PRKAG2: variants seen among roughly 807,000 people sequenced by gnomAD.
PRKAG2 encodes the protein 5'-AMP-activated protein kinase subunit gamma-2.
Under a neutral mutation model 69.6 loss-of-function variants are expected in PRKAG2, and 26 were observed. That is an observed-to-expected ratio of 0.37 (90% CI 0.27 to 0.52). PRKAG2 has a LOEUF of 0.52. Among genes scored for constraint, PRKAG2 ranks in the 20% least tolerant of loss-of-function variants. PRKAG2 has a pLI of 0.90. For missense variants in PRKAG2, 557 were observed against 740.0 expected (o/e 0.75, Z 2.87); for synonymous variants, 293 against 285.0 (o/e 1.03, Z -0.28).
intron 9 of PRKAG2, among the ~76,000 whole-genome samples, chr7:151,571,219 G>A (rs528030640): frequency 2.9e-4 from 44 of 151,690 alleles, no homozygotes; most frequent in Admixed American, 6.6e-4. Flanking sequence ...GTACAGGTGC[G>A]CACCACCACG....
intron 5 of PRKAG2, among the ~76,000 whole-genome samples, chr7:151,606,412 T>C (rs1188560458): frequency 6.6e-6 from 1 of 152,240 alleles, no homozygotes; most frequent in Admixed American, 6.5e-5. Flanking sequence ...CACATTGTAC[T>C]TGGAGGAAGA....
chr7:151,632,443 G>A lies in PRKAG2; in HGVS notation c.685-305C>T, dbSNP rs944248878. On this transcript the variant is annotated intron_variant, in intron 4 of 15. Coordinates refer to ENST00000287878, the MANE Select transcript of PRKAG2 (RefSeq NM_016203.4). This position sits in a 1 kb window ranked among gnomAD's most constrained non-coding sequence, Gnocchi z 4.2. ...GGGAGGAAGCGTGGGAAGGGACCCG[G>A]GAGCTCGAGGGCGGCAGCGCCTGGG... The A allele has an allele frequency of 1.7e-6, 1 of 584,302 alleles. No individual in the cohort carries two copies. The allele number at this position is 584,302 out of a possible 1,614,324, so 36.2% of individuals were successfully genotyped here. A position where few individuals can be genotyped will look rare whatever the true frequency, so the allele number is the denominator to read the frequency against.
intron 3 of PRKAG2, among the ~76,000 whole-genome samples, chr7:151,779,446 C>T (rs987122395): frequency 1.3e-5 from 2 of 152,206 alleles, no homozygotes; most frequent in African/African-American, 4.8e-5. Flanking sequence ...GGGCTCTGTG[C>T]AGGAGAATGA....
chr7:151,576,626 G>A (rs1809006582), intron 6 of PRKAG2, among the ~76,000 whole-genome samples, 174 bp from the exon 7 acceptor site: 2 of 152,036 alleles, frequency 1.3e-5, no homozygotes, highest in African/African-American at 2.4e-5. Context: ...TCAGCCTCCC[G>A]AGTAGCTGGG....
chr7:151,598,326 G>A (rs570487900), intron 5 of PRKAG2, among the ~76,000 whole-genome samples: 4 of 152,144 alleles, frequency 2.6e-5, no homozygotes, highest in African/African-American at 9.7e-5. Flanking sequence ...TATGAGGAGA[G>A]GTTGGTCAGT....
Position 151,825,327 on chromosome 7 carries a change from T to C in PRKAG2, c.115-38786A>G, listed in dbSNP as rs555873398. Among the ~76,000 whole-genome samples the C allele has an allele frequency of 2.0e-5, 3 of 152,364 alleles. No individual in the cohort carries two copies. In the East Asian group the frequency reaches 5.8e-4, roughly 29 times the overall value. On this transcript the variant is annotated intron_variant, in intron 1 of 15. Coordinates refer to ENST00000287878, the MANE Select transcript of PRKAG2 (RefSeq NM_016203.4). ...GTCCTAAACCCAAATAGGACACGAT[T>C]CTTTGTTTTTCTTCATTAAATTCAC...
At chr7:151,762,121 G>T (rs1446816109) in intron 3 of PRKAG2, among the ~76,000 whole-genome samples, 3 of 152,192 alleles carry the variant, frequency 2.0e-5, no homozygotes, top group South Asian at 4.1e-4. Flanking sequence ...AGTCTGCTGC[G>T]CACCTCAGCG....
intron 1 of PRKAG2, among the ~76,000 whole-genome samples, chr7:151,865,843 C>A (rs1252495861): frequency 6.6e-6 from 1 of 152,010 alleles, no homozygotes; most frequent in Non-Finnish European, 1.5e-5. Flanking sequence ...CACGGTGAAA[C>A]CCCGTCTCTA....
chr7:151,733,739 C>T (rs148487033), intron 3 of PRKAG2, among the ~76,000 whole-genome samples: 1 of 151,826 alleles, frequency 6.6e-6, no homozygotes, highest in African/African-American at 2.4e-5. Context: ...CGCTGACTCC[C>T]AGCCTGGAGT....
chr7:151,605,306 C>A (rs1440082196), intron 5 of PRKAG2, among the ~76,000 whole-genome samples: 3 of 151,598 alleles, frequency 2.0e-5, no homozygotes, highest in African/African-American at 7.3e-5. Flanking sequence ...TGTGAGCCAT[C>A]ACACCCAGCC....
intron 3 of PRKAG2, among the ~76,000 whole-genome samples, chr7:151,715,583 T>A (rs1433486911): frequency 6.6e-6 from 1 of 152,136 alleles, no homozygotes; most frequent in African/African-American, 2.4e-5. Flanking sequence ...CTCGAACTCC[T>A]GACCTTGGGT....
intron 1 of PRKAG2, among the ~76,000 whole-genome samples, chr7:151,839,127 C>T (rs1444835379): frequency 6.6e-6 from 1 of 152,134 alleles, no homozygotes; most frequent in Non-Finnish European, 1.5e-5. Flanking sequence ...GGCAGGGGCA[C>T]GTTGGGCTTT....
chr7:151,676,106 CCTT>C (rs986715913), intron 3 of PRKAG2, among the ~76,000 whole-genome samples: 5 of 152,106 alleles, frequency 3.3e-5, no homozygotes, highest in African/African-American at 1.2e-4. Flanking sequence ...GATCTCCTCT[CCTT>C]CTTTCCCCAG....
chr7:151,675,276 T>G (rs1832728589), intron 4 of PRKAG2, 144 bp downstream of exon 4: 1 of 848,350 alleles, frequency 1.2e-6, no homozygotes, highest in African/African-American at 1.7e-5. Flanking sequence ...CCTCAGCCTG[T>G]GATTTATGGT....
chr7:151,751,020 T>C (rs191131305), intron 3 of PRKAG2, among the ~76,000 whole-genome samples: 20 of 152,318 alleles, frequency 1.3e-4, no homozygotes, highest in Non-Finnish European at 2.8e-4. Context: ...AGTATGCTCA[T>C]GCTATTGTCT....
At chr7:151,741,784 G>T (rs571769107) in intron 3 of PRKAG2, among the ~76,000 whole-genome samples, 3 of 152,184 alleles carry the variant, frequency 2.0e-5, no homozygotes, top group Non-Finnish European at 4.4e-5. Flanking sequence ...TTCCGTGCTT[G>T]AGTTTAAATG....
At position 151,814,453 on chromosome 7, in the gene PRKAG2, T is replaced by C; in HGVS notation, c.115-27912A>G. The C allele has an allele frequency of 1.6e-6, 2 of 1,230,152 alleles. No individual in the cohort carries two copies. Among genetic ancestry groups the C allele is most frequent in the Admixed American group, 4.2e-5 (1 of 23,688 alleles). The allele number at this position is 1,230,152 out of a possible 1,614,324, so 76.2% of individuals were successfully genotyped here. ...GGTCCTGGAGGTCTTCTCTTCCAGA[T>C]GCTAATAAGCAGTGCAGGCTTGTAA... On this transcript the variant is annotated intron_variant, in intron 1 of 15. Coordinates refer to ENST00000287878, the MANE Select transcript of PRKAG2 (RefSeq NM_016203.4). The surrounding 1 kb of genome is among the most constrained non-coding windows in gnomAD (Gnocchi z 4.8).
intron 4 of PRKAG2, among the ~76,000 whole-genome samples, chr7:151,665,977 AGACT>A (rs1326695830): frequency 2.2e-4 from 33 of 152,200 alleles, no homozygotes; most frequent in African/African-American, 6.3e-4. Context: ...GGGGTCTTGG[AGACT>A]GACTGAATGG....
At chr7:151,704,937 C>T (rs950257740) in intron 3 of PRKAG2, among the ~76,000 whole-genome samples, 15 of 152,146 alleles carry the variant, frequency 9.9e-5, no homozygotes, top group Admixed American at 6.5e-4. Flanking sequence ...AAAATGTTAG[C>T]GCTTAAAAGT....
Sources: allele counts gnomAD v4.1 joint callset (sites outside exome capture counted in the v4.1 genomes callset), GRCh38; gene constraint gnomAD v4.1.1; non-coding constraint Gnocchi (gnomAD v3.1); transcripts MANE v1.5; gene names NCBI Gene and HGNC (gene_info 2026-07-23, HGNC 2026-07-21).